The following SEMA3D variants were observed in gnomAD, a reference collection of about 807,000 sequenced individuals.
SEMA3D encodes the protein semaphorin 3D, also known as semaphorin-3D.
In SEMA3D, 84 loss-of-function variants were observed where a neutral mutation model predicts 100.1. That is an observed-to-expected ratio of 0.84 (90% CI 0.70 to 1.01). SEMA3D has a LOEUF of 1.01. SEMA3D is among the 50% of genes least tolerant of loss of function. The pLI is 0.00. For synonymous variants in SEMA3D, 312 were observed against 320.7 expected (o/e 0.97, Z 0.29); for missense variants, 875 against 934.1 (o/e 0.94, Z 0.82).
intron 2 of SEMA3D, among the ~76,000 whole-genome samples, chr7:85,130,901 G>C (rs749136040): frequency 5.3e-5 from 8 of 152,052 alleles, no homozygotes; most frequent in Non-Finnish European, 1.2e-4. Context: ...TCTGTCACTT[G>C]CTTTCTGTTT....
chr7:85,229,865 C>A, the SEMA3D span, among the ~76,000 whole-genome samples: 1 of 152,090 alleles, frequency 6.6e-6, no homozygotes, highest in Non-Finnish European at 1.5e-5. Flanking sequence ...TTCATTCCAT[C>A]TTTTTGAACC....
At chr7:85,157,871 A>G (rs532625798) in intron 1 of SEMA3D, among the ~76,000 whole-genome samples, 8 of 152,282 alleles carry the variant, frequency 5.3e-5, no homozygotes, top group African/African-American at 1.9e-4. Flanking sequence ...TGAAGATTTC[A>G]TGGACATTTA....
At chr7:85,078,680 T>A (rs1787959641) in intron 5 of SEMA3D, among the ~76,000 whole-genome samples, 1 of 152,206 alleles carries the variant, frequency 6.6e-6, no homozygotes, top group South Asian at 2.1e-4. Context: ...AGTGGAATAG[T>A]TCCCTTTTGT....
intron 1 of SEMA3D, among the ~76,000 whole-genome samples, chr7:85,175,463 C>T (rs560469093): frequency 5.3e-5 from 8 of 152,242 alleles, no homozygotes; most frequent in African/African-American, 1.9e-4. Flanking sequence ...ACAATGAATG[C>T]TCTCTGCCAA....
At chr7:85,140,706 A>T (rs1348828508) in intron 2 of SEMA3D, 1 of 978,432 alleles carries the variant, frequency 1.0e-6, no homozygotes, top group African/African-American at 1.8e-5. Flanking sequence ...ATTAAGAGAT[A>T]AATCTATTTA....
chr7:85,225,087 TATATATATATATATATATAC>T, the SEMA3D span, among the ~76,000 whole-genome samples: 2 of 12,986 alleles, frequency 1.5e-4, no homozygotes, highest in African/African-American at 4.0e-4. Flanking sequence ...TATATATATA[TATATATATATATATATATAC>T]ATACATATAT....
chr7:85,053,730 G>T (rs1791231299), intron 9 of SEMA3D, among the ~76,000 whole-genome samples: 9 of 152,030 alleles, frequency 5.9e-5, no homozygotes, highest in Non-Finnish European at 1.2e-4. Context: ...TGGATCATAT[G>T]TATAGTGAGA....
the SEMA3D span, among the ~76,000 whole-genome samples, chr7:85,219,840 A>G: frequency 6.6e-6 from 1 of 152,108 alleles, no homozygotes; most frequent in Admixed American, 6.6e-5. Flanking sequence ...AGAAAAATCA[A>G]TAAAAAGTTA....
chr7:85,123,254 C>A (rs151243266), intron 2 of SEMA3D, among the ~76,000 whole-genome samples: 378 of 152,158 alleles, frequency 2.5e-3, no homozygotes, highest in Non-Finnish European at 4.6e-3. Context: ...GAGTCTTCAA[C>A]TTCTCTTCCA....
At chr7:85,048,271 G>C (rs1791064334) in intron 9 of SEMA3D, among the ~76,000 whole-genome samples, 2 of 151,686 alleles carry the variant, frequency 1.3e-5, no homozygotes, top group African/African-American at 4.8e-5. Flanking sequence ...ATCTATCTGT[G>C]TTGTCTCAAT....
At chr7:85,082,309 G>C (rs190946946) in intron 4 of SEMA3D, among the ~76,000 whole-genome samples, 2 of 152,276 alleles carry the variant, frequency 1.3e-5, no homozygotes, top group East Asian at 3.9e-4. Context: ...CAAACTCATT[G>C]GTTGATAGCT....
At chr7:85,165,379 A>ATGTT (rs1238658367) in intron 1 of SEMA3D, among the ~76,000 whole-genome samples, 1 of 152,056 alleles carries the variant, frequency 6.6e-6, no homozygotes, top group African/African-American at 2.4e-5. Flanking sequence ...TGAATAGATA[A>ATGTT]TGTTTCAATA....
the SEMA3D span, among the ~76,000 whole-genome samples, chr7:85,240,627 T>G: frequency 1.3e-5 from 2 of 152,160 alleles, no homozygotes; most frequent in Admixed American, 1.3e-4. Flanking sequence ...GGCCTGGTGT[T>G]TCCTCTCTTT....
rs2115789203 is a variant in SEMA3D, at chr7:85,012,803, G to T, written c.1747C>A (p.Gln583Lys). The change falls in exon 17 of 19, where the codon CAG (glutamine) becomes AAG (lysine). Residue 583 changes from glutamine (Q) to lysine (K), a missense_variant. Physicochemically the swap from Gln to Lys is moderately conservative, Grantham distance 53. Transcript: ENST00000284136. Reference sequence around the variant, plus strand: ...TTACTGTCTTCGATGTCCCAGCACTGGGTGATTGGGTCGCCATATTTTACA... The same window carrying T: ...TTACTGTCTTCGATGTCCCAGCACTTGGTGATTGGGTCGCCATATTTTACA... ...QDVKYGDPITQCWDIEDSISH... is the reference protein window; with the variant it reads ...QDVKYGDPITKCWDIEDSISH... 1 of 1,610,450 alleles carries T rather than the reference G, an allele frequency of 6.2e-7. No homozygotes were observed. The highest frequency in any genetic ancestry group is 8.5e-7 in the Non-Finnish European group (1 of 1,177,516).
intron 3 of SEMA3D, among the ~76,000 whole-genome samples, chr7:85,112,898 G>A (rs1040227657): frequency 1.3e-5 from 2 of 152,004 alleles, no homozygotes; most frequent in Non-Finnish European, 1.5e-5. Context: ...AACAATGCCT[G>A]GTAAATAATG....
At chr7:85,206,654 AG>A in the SEMA3D span, among the ~76,000 whole-genome samples, 2 of 152,080 alleles carry the variant, frequency 1.3e-5, no homozygotes, top group African/African-American at 4.8e-5. Context: ...TAAAGATTAA[AG>A]AAAAATACTC....
At chr7:85,187,923 T>G (rs1328092477), upstream of SEMA3D, among the ~76,000 whole-genome samples, 1 of 152,164 alleles carries the variant, frequency 6.6e-6, no homozygotes, top group Non-Finnish European at 1.5e-5. Context: ...TGATGGGATA[T>G]CCAGGTTTAT....
chr7:85,137,591 G>C (rs1035684861), intron 2 of SEMA3D, among the ~76,000 whole-genome samples: 2 of 151,962 alleles, frequency 1.3e-5, no homozygotes, highest in African/African-American at 2.4e-5. Context: ...TGAATGCCTG[G>C]GTTGCTACAA....
chr7:85,085,280 A>G (rs1287907078), intron 4 of SEMA3D, among the ~76,000 whole-genome samples: 2 of 152,176 alleles, frequency 1.3e-5, no homozygotes, highest in Non-Finnish European at 1.5e-5. Context: ...TATTAAGTAA[A>G]TGAGTCTTAA....
Sources: allele counts gnomAD v4.1 joint callset (sites outside exome capture counted in the v4.1 genomes callset), GRCh38; gene constraint gnomAD v4.1.1; transcripts MANE v1.5; gene names NCBI Gene and HGNC (gene_info 2026-07-23, HGNC 2026-07-21).